REC114: variants seen among roughly 807,000 people sequenced by gnomAD.
REC114 encodes meiotic recombination protein REC114.
A neutral mutation model predicts 31.3 loss-of-function variants in REC114; 27 were observed. That is an observed-to-expected ratio of 0.86 (90% CI 0.64 to 1.19). REC114 has a LOEUF of 1.19. Ranked by LOEUF, REC114 falls within the 50% of genes most tolerant of loss-of-function variation. REC114 has a pLI of 0.00. For missense variants in REC114, 344 were observed against 326.9 expected (o/e 1.05, Z -0.40); for synonymous variants, 134 against 127.7 (o/e 1.05, Z -0.33).
At chr15:73,468,572 A>G (rs1893092737) in intron 1 of REC114, among the ~76,000 whole-genome samples, 2 of 151,974 alleles carry the variant, frequency 1.3e-5, no homozygotes, top group South Asian at 4.1e-4. Context: ...GTCTGATTAC[A>G]GTGGTAAGAA....
intron 1 of REC114, among the ~76,000 whole-genome samples, chr15:73,466,203 A>G (rs1158656789): frequency 6.6e-6 from 1 of 152,168 alleles, no homozygotes; most frequent in East Asian, 1.9e-4. Flanking sequence ...CTGCAGTTAC[A>G]GACTGATATT....
At chr15:73,531,943 T>G (rs186155955) in intron 2 of REC114, among the ~76,000 whole-genome samples, 39 of 152,196 alleles carry the variant, frequency 2.6e-4, no homozygotes, top group African/African-American at 9.4e-4. Context: ...CTTGTTCTTT[T>G]GTCTGATGGT....
intron 2 of REC114, among the ~76,000 whole-genome samples, chr15:73,514,460 G>C (rs900118166): frequency 6.6e-6 from 1 of 151,970 alleles, no homozygotes; most frequent in African/African-American, 2.4e-5. Context: ...GGCCATCTTG[G>C]CTCCTCCCCC....
intron 2 of REC114, among the ~76,000 whole-genome samples, chr15:73,521,413 A>C (rs1275667337): frequency 6.6e-6 from 1 of 152,220 alleles, no homozygotes; most frequent in Non-Finnish European, 1.5e-5. Flanking sequence ...GTAAGAGTGA[A>C]AATCAAGGAT....
intron 2 of REC114, among the ~76,000 whole-genome samples, chr15:73,537,605 T>C (rs904456696): frequency 6.6e-6 from 1 of 152,222 alleles, no homozygotes. Context: ...TTTACCCTCA[T>C]TTTAAGTGAT....
At chr15:73,448,185 G>A (rs1471257961) in intron 1 of REC114, among the ~76,000 whole-genome samples, 1 of 152,134 alleles carries the variant, frequency 6.6e-6, no homozygotes, top group African/African-American at 2.4e-5. Context: ...TGAAGCCAGG[G>A]AGCCAAGTGG....
chr15:73,486,539 A>T (rs971205677), intron 2 of REC114, among the ~76,000 whole-genome samples: 4 of 152,172 alleles, frequency 2.6e-5, no homozygotes, highest in Admixed American at 2.0e-4. Context: ...TTCTTAGTCC[A>T]TTTGTACTGC....
At chr15:73,548,237 T>C (rs1453910773) in intron 3 of REC114, among the ~76,000 whole-genome samples, 1 of 152,174 alleles carries the variant, frequency 6.6e-6, no homozygotes, top group Non-Finnish European at 1.5e-5. Context: ...GCCTCCCGAA[T>C]AGCTGGGACT....
At chr15:73,504,593 T>C (rs961577782) in intron 2 of REC114, among the ~76,000 whole-genome samples, 2 of 152,146 alleles carry the variant, frequency 1.3e-5, no homozygotes, top group Non-Finnish European at 2.9e-5. Context: ...GGAGTAGTTA[T>C]AGATTTATGC....
At chr15:73,454,350 C>G (rs1225145620) in intron 1 of REC114, among the ~76,000 whole-genome samples, 1 of 151,890 alleles carries the variant, frequency 6.6e-6, no homozygotes, top group Admixed American at 6.6e-5. Flanking sequence ...ATGGTCTTTA[C>G]CAAGAGAAAT....
At chr15:73,553,988 G>A (rs1894427169) in intron 4 of REC114, among the ~76,000 whole-genome samples, 1 of 152,152 alleles carries the variant, frequency 6.6e-6, no homozygotes, top group African/African-American at 2.4e-5. Context: ...ATGCTGTATA[G>A]AAAGTACCCA....
intron 1 of REC114, among the ~76,000 whole-genome samples, chr15:73,450,878 A>G (rs929330588): frequency 6.6e-6 from 1 of 152,210 alleles, no homozygotes; most frequent in Non-Finnish European, 1.5e-5. Context: ...CCTGCTCTTG[A>G]ATGACTACTG....
chr15:73,499,583 T>G (rs1893576618), intron 2 of REC114, among the ~76,000 whole-genome samples: 2 of 152,202 alleles, frequency 1.3e-5, no homozygotes, highest in Non-Finnish European at 2.9e-5. Flanking sequence ...TCACTTTCTT[T>G]AGTCTCTTAT....
rs144003958 is a variant in REC114 at position 73,549,750 on chromosome 15, A to G, written c.334-1188A>G. On this transcript the variant is annotated intron_variant, in intron 3 of 5. Coordinates refer to ENST00000331090, the MANE Select transcript of REC114 (RefSeq NM_001042367.2). ...TGGATGACTTTTATATTCAGGGGGAAAAATTAAATGAATTAAAATATAAAG... is the reference window on the plus strand; with the variant it reads ...TGGATGACTTTTATATTCAGGGGGAGAAATTAAATGAATTAAAATATAAAG... Among the ~76,000 whole-genome samples the G allele has an allele frequency of 1.7e-3, 264 of 152,340 alleles. 1 individual carries two copies. The highest frequency in any genetic ancestry group is 5.9e-3 in the African/African-American group (245 of 41,584).
chr15:73,486,484 A>G (rs1340841601), intron 2 of REC114, among the ~76,000 whole-genome samples: 1 of 152,106 alleles, frequency 6.6e-6, no homozygotes, highest in East Asian at 1.9e-4. Flanking sequence ...AAGCTATCTT[A>G]CCTTTCCCTC....
intron 1 of REC114, among the ~76,000 whole-genome samples, chr15:73,458,861 A>G (rs895226202): frequency 3.9e-5 from 6 of 152,212 alleles, no homozygotes; most frequent in East Asian, 3.8e-4. Context: ...CCACAAGTTC[A>G]TATGTCTAGC....
rs1023718838 is a variant in REC114, at chr15:73,474,822, C to T, written c.249+901C>T. 2.6e-5 allele frequency among the ~76,000 whole-genome samples: 4 copies of T among 152,150 alleles called. No homozygotes were observed. In the South Asian group the frequency reaches 8.3e-4, roughly 32 times the overall value. On this transcript the variant is annotated intron_variant, in intron 2 of 5. Transcript: ENST00000331090. The stretch of plus-strand genomic sequence containing the variant: ...TTTTTGGATCACTTACATGTTCTAT[C>T]ATAATATGGTAGGATCTCACATGTG...
chr15:73,513,566 C>A (rs1246198605), intron 2 of REC114, among the ~76,000 whole-genome samples: 1 of 150,620 alleles, frequency 6.6e-6, no homozygotes, highest in East Asian at 1.9e-4. Flanking sequence ...TTTTCCCCAT[C>A]TTTGTGGTTT....
intron 1 of REC114, among the ~76,000 whole-genome samples, chr15:73,464,036 C>A (rs1216139702): frequency 2.0e-5 from 3 of 152,068 alleles, no homozygotes; most frequent in African/African-American, 7.2e-5. Flanking sequence ...ATATTTCATT[C>A]TATTATTTTT....
Sources: allele counts gnomAD v4.1 joint callset (sites outside exome capture counted in the v4.1 genomes callset), GRCh38; gene constraint gnomAD v4.1.1; transcripts MANE v1.5; gene names NCBI Gene and HGNC (gene_info 2026-07-23, HGNC 2026-07-21).